The following STX8 variants were observed in gnomAD, a reference collection of about 807,000 sequenced individuals.
STX8 encodes syntaxin-8.
STX8 carries 23 observed loss-of-function variants against 37.5 expected under a neutral mutation model. The observed-to-expected ratio is 0.61, with a 90% CI of 0.44 to 0.87. STX8 has a LOEUF of 0.87. Ranked by LOEUF, STX8 falls within the 40% of genes least tolerant of loss-of-function variation. The pLI, the probability that STX8 is intolerant of heterozygous loss-of-function variation, is 0.00. For missense variants in STX8, 313 were observed against 284.7 expected (o/e 1.10, Z -0.71); for synonymous variants, 115 against 99.1 (o/e 1.16, Z -0.95).
rs538574625 is a variant in STX8 at position 9,284,957 on chromosome 17, G to A, written c.644-34312C>T. Among the ~76,000 whole-genome samples, 6 of 152,248 alleles carry A rather than the reference G, an allele frequency of 3.9e-5. No homozygotes were observed. In the South Asian group the frequency reaches 6.2e-4, roughly 16 times the overall value. On this transcript the variant is annotated intron_variant, in intron 7 of 7. Transcript: ENST00000306357. ...GGGTGGGGCTTGCTTTATTTCCTCT[G>A]ATGGTTTCCAGCAGGGAACCTTGGC...
At chr17:9,427,590 A>T (rs1373271353) in intron 6 of STX8, among the ~76,000 whole-genome samples, 1 of 152,122 alleles carries the variant, frequency 6.6e-6, no homozygotes, top group Admixed American at 6.5e-5. Flanking sequence ...ACCTAGGGAG[A>T]TGACTTGGAC....
At position 9,329,995 on chromosome 17, in the gene STX8, G is replaced by A. The variant is rs76210508; in HGVS notation, c.643+48557C>T. Among the ~76,000 whole-genome samples, 429 of 152,220 alleles carry A rather than the reference G, an allele frequency of 2.8e-3. 1 individual carries two copies. The highest frequency in any genetic ancestry group is 4.1e-3 in the Non-Finnish European group (277 of 67,988). On this transcript the variant is annotated intron_variant, in intron 7 of 7. Coordinates refer to ENST00000306357, the MANE Select transcript of STX8 (RefSeq NM_004853.3). ...GCAGCTGGTCATAGCTAAGAGGAAG[G>A]TGAAGGTGTGCAGGCCCCTTGCTCA...
intron 6 of STX8, among the ~76,000 whole-genome samples, chr17:9,404,790 C>T (rs527390256): frequency 9.8e-5 from 15 of 152,330 alleles, no homozygotes; most frequent in Admixed American, 6.5e-5. Context: ...ACCCTTCTGC[C>T]AGATCGTTTA....
intron 7 of STX8, among the ~76,000 whole-genome samples, chr17:9,355,096 G>A (rs1910832495): frequency 6.6e-6 from 1 of 152,114 alleles, no homozygotes; most frequent in African/African-American, 2.4e-5. Flanking sequence ...ATTTCATTAT[G>A]TTGTGATTTG....
chr17:9,500,811 G>T (rs979844771), intron 5 of STX8, among the ~76,000 whole-genome samples: 6 of 152,094 alleles, frequency 3.9e-5, no homozygotes, highest in Admixed American at 3.3e-4. Context: ...GACCATCCTG[G>T]CTAACATGGT....
intron 7 of STX8, among the ~76,000 whole-genome samples, chr17:9,308,467 G>A (rs917145203): frequency 2.6e-5 from 4 of 152,312 alleles, no homozygotes; most frequent in East Asian, 1.9e-4. Flanking sequence ...GCTCACGCCT[G>A]TAATCTCAGC....
intron 4 of STX8, among the ~76,000 whole-genome samples, chr17:9,506,408 C>G (rs1373478403): frequency 2.8e-4 from 2 of 7,258 alleles, no homozygotes; most frequent in African/African-American, 4.7e-4. Context: ...CTCACCCGCT[C>G]CCCCCCCCCC....
Position 9,396,912 on chromosome 17 carries a change from GCAA to G in STX8, c.542-18262_542-18260del, listed in dbSNP as rs1458023980. On this transcript the variant is annotated intron_variant, in intron 6 of 7. Transcript: ENST00000306357. ...GCATCAAACTGCATTACAAATGTAT[GCAA>G]CAACATCACTGAATGAGGTAGGAAG... 2.0e-5 allele frequency among the ~76,000 whole-genome samples: 3 copies of G among 152,188 alleles called. No individual in the cohort carries two copies. The East Asian group carries it at 5.8e-4, about 29-fold the overall frequency.
intron 4 of STX8, among the ~76,000 whole-genome samples, chr17:9,506,179 A>T (rs890040217): frequency 3.1e-4 from 47 of 152,044 alleles, no homozygotes; most frequent in African/African-American, 1.1e-3. Context: ...CCATGTTTTC[A>T]GGATTTTTCT....
At chr17:9,362,261 C>T (rs930051041) in intron 7 of STX8, among the ~76,000 whole-genome samples, 12 of 152,230 alleles carry the variant, frequency 7.9e-5, no homozygotes, top group Middle Eastern at 3.4e-3. Context: ...ACCAGGGAGG[C>T]GGAGGTTGCA....
intron 2 of STX8, among the ~76,000 whole-genome samples, chr17:9,566,412 T>C (rs1907462446): frequency 6.6e-6 from 1 of 152,242 alleles, no homozygotes; most frequent in African/African-American, 2.4e-5. Flanking sequence ...CTCAACGTAC[T>C]AAAAACAGAA....
intron 1 of STX8, among the ~76,000 whole-genome samples, chr17:9,575,477 C>T (rs1907869399): frequency 6.6e-6 from 1 of 152,182 alleles, no homozygotes; most frequent in Admixed American, 6.5e-5. Flanking sequence ...CTGCACCAGC[C>T]AGCTAGCTCC....
chr17:9,535,349 C>G (rs898883303), intron 4 of STX8, among the ~76,000 whole-genome samples: 1 of 151,196 alleles, frequency 6.6e-6, no homozygotes, highest in African/African-American at 2.4e-5. Flanking sequence ...TAGAGGGGTT[C>G]TACCCCGCTA....
At chr17:9,472,269 G>A (rs892401907) in intron 6 of STX8, among the ~76,000 whole-genome samples, 3 of 152,208 alleles carry the variant, frequency 2.0e-5, no homozygotes, top group Admixed American at 6.5e-5. Flanking sequence ...GGCTGGGAAT[G>A]TGCTTGTGGG....
At chr17:9,458,342 G>A (rs1905244964) in intron 6 of STX8, among the ~76,000 whole-genome samples, 1 of 152,032 alleles carries the variant, frequency 6.6e-6, no homozygotes, top group Non-Finnish European at 1.5e-5. Context: ...GTAGAGATGG[G>A]GTTTCACCGT....
intron 4 of STX8, among the ~76,000 whole-genome samples, chr17:9,538,863 G>T (rs1489241540): frequency 2.7e-5 from 4 of 147,068 alleles, no homozygotes; most frequent in African/African-American, 7.5e-5. Flanking sequence ...AATGGTTTTG[G>T]TTTTTTTTTT....
intron 1 of STX8, among the ~76,000 whole-genome samples, chr17:9,574,199 A>T (rs1010171598): frequency 6.6e-6 from 1 of 150,878 alleles, no homozygotes; most frequent in Non-Finnish European, 1.5e-5. Flanking sequence ...TAAGCCCAGG[A>T]GGTGGAGGTT....
intron 7 of STX8, among the ~76,000 whole-genome samples, chr17:9,329,597 G>T (rs1341972348): frequency 6.6e-6 from 1 of 152,230 alleles, no homozygotes; most frequent in Non-Finnish European, 1.5e-5. Context: ...TGAATGGCAG[G>T]CATGTGAGCA....
intron 6 of STX8, among the ~76,000 whole-genome samples, chr17:9,475,790 G>C (rs1004858339): frequency 6.6e-6 from 1 of 152,174 alleles, no homozygotes; most frequent in Non-Finnish European, 1.5e-5. Flanking sequence ...ATATATCCTA[G>C]AAAGAAACCT....
Sources: gnomAD v4.1 joint callset for allele counts (sites outside exome capture counted in the v4.1 genomes callset) on GRCh38, gnomAD v4.1.1 for gene constraint, MANE v1.5 for transcripts, NCBI Gene and HGNC (gene_info 2026-07-23, HGNC 2026-07-21) for gene names.